TBC1D19: variants seen among roughly 807,000 people sequenced by gnomAD.
TBC1D19 encodes the protein TBC1 domain family, member 19.
TBC1D19 carries 60 observed loss-of-function variants against 89.0 expected under a neutral mutation model. The ratio of observed to expected loss-of-function variants is 0.67; its 90% CI spans 0.55 to 0.84. TBC1D19 has a LOEUF of 0.84. Among genes scored for constraint, TBC1D19 ranks in the 40% least tolerant of loss-of-function variants. TBC1D19 has a pLI of 0.00. For missense variants in TBC1D19, 500 were observed against 610.8 expected, an observed-to-expected ratio of 0.82 and a Z score of 1.91; for synonymous variants, 189 against 199.7, an observed-to-expected ratio of 0.95 and a Z score of 0.45.
chr4:26,821,128 T>C, the TBC1D19 span, among the ~76,000 whole-genome samples: 1 of 152,204 alleles, frequency 6.6e-6, no homozygotes, highest in African/African-American at 2.4e-5. Context: ...CAGTTAGCAG[T>C]TCCAGACTGT....
At chr4:26,669,758 C>G (rs1343307799) in intron 9 of TBC1D19, among the ~76,000 whole-genome samples, 2 of 151,566 alleles carry the variant, frequency 1.3e-5, no homozygotes, top group African/African-American at 2.4e-5. Context: ...TTCAACTATT[C>G]TTTATTCATT....
chr4:26,740,633 T>C (rs1175246758), intron 17 of TBC1D19: 1 of 984,950 alleles, frequency 1.0e-6, no homozygotes, highest in African/African-American at 1.7e-5. Flanking sequence ...ATCTTTTTTT[T>C]CCCTTCCCAT....
intron 11 of TBC1D19, among the ~76,000 whole-genome samples, chr4:26,682,650 T>C (rs555977093): frequency 2.6e-4 from 39 of 152,268 alleles, no homozygotes; most frequent in African/African-American, 9.1e-4. Context: ...AAGGAGGGAT[T>C]TGGAGCAATA....
At chr4:26,794,922 A>G in the TBC1D19 span, among the ~76,000 whole-genome samples, 1 of 152,204 alleles carries the variant, frequency 6.6e-6, no homozygotes, top group African/African-American at 2.4e-5. Flanking sequence ...ATCATCCACC[A>G]TCTCTTGTCA....
chr4:26,838,217 T>C, the TBC1D19 span, among the ~76,000 whole-genome samples: 8 of 152,078 alleles, frequency 5.3e-5, no homozygotes, highest in Non-Finnish European at 1.5e-5. Flanking sequence ...TGCATCTGAG[T>C]GTAGAATGGG....
intron 8 of TBC1D19, among the ~76,000 whole-genome samples, chr4:26,660,225 A>T (rs1429886881): frequency 6.6e-6 from 1 of 152,166 alleles, no homozygotes; most frequent in Non-Finnish European, 1.5e-5. Flanking sequence ...GGTGGAATTA[A>T]GAAATTATCA....
chr4:26,631,001 A>G (rs1467735274), intron 4 of TBC1D19, among the ~76,000 whole-genome samples: 3 of 151,936 alleles, frequency 2.0e-5, no homozygotes, highest in Admixed American at 6.6e-5. Flanking sequence ...CCTGTTTCTG[A>G]TAACTGTGGA....
chr4:26,657,307 C>T (rs1424344363), intron 7 of TBC1D19, among the ~76,000 whole-genome samples: 1 of 151,910 alleles, frequency 6.6e-6, no homozygotes, highest in Non-Finnish European at 1.5e-5. Context: ...CATTGTTCAA[C>T]TCTCACTTAT....
At chr4:26,600,855 A>G (rs1466548275) in intron 1 of TBC1D19, among the ~76,000 whole-genome samples, 1 of 152,224 alleles carries the variant, frequency 6.6e-6, no homozygotes, top group Non-Finnish European at 1.5e-5. Flanking sequence ...ATGTGTGTCC[A>G]CTGGGATGAC....
intron 7 of TBC1D19, among the ~76,000 whole-genome samples, chr4:26,655,601 C>T (rs1744742523): frequency 6.6e-6 from 1 of 152,214 alleles, no homozygotes; most frequent in South Asian, 2.1e-4. Context: ...CTTGCTGCCA[C>T]CTTGCAGTTT....
Position 26,655,426 on chromosome 4 carries a change from G to C in TBC1D19, c.481-4171G>C, listed in dbSNP as rs374573046. 3.2e-4 allele frequency among the ~76,000 whole-genome samples: 49 copies of C among 152,350 alleles called. 1 individual carries two copies. Among genetic ancestry groups the C allele is most frequent in the Middle Eastern group, 3.4e-3 (1 of 294 alleles). On this transcript the variant is annotated intron_variant, in intron 7 of 20. Transcript: ENST00000264866. ...TCAGACAGGGACATTTAAGTCTGCAGAGGTTTCTGCTGCCTTTTGTTTGGC... is the reference window on the plus strand; with the variant it reads ...TCAGACAGGGACATTTAAGTCTGCACAGGTTTCTGCTGCCTTTTGTTTGGC...
chr4:26,817,981 A>AATATATATATATATATATAT, the TBC1D19 span, among the ~76,000 whole-genome samples: 5 of 126,048 alleles, frequency 4.0e-5, no homozygotes, highest in African/African-American at 1.5e-4. Flanking sequence ...AAAAAAAAAA[A>AATATATATATATATATATAT]ATATATATAT....
chr4:26,779,859 T>C, the TBC1D19 span, among the ~76,000 whole-genome samples: 5 of 152,340 alleles, frequency 3.3e-5, no homozygotes, highest in Admixed American at 6.5e-5. Context: ...CAAGCAACTG[T>C]CATCAGCAGG....
At chr4:26,646,158 G>A (rs7683415) in intron 7 of TBC1D19, among the ~76,000 whole-genome samples, 150,092 of 150,424 alleles carry the variant, frequency 1, 74,882 homozygotes, top group Middle Eastern at 1. Flanking sequence ...GGCAAAGGAT[G>A]TGAACAGACA....
the TBC1D19 span, among the ~76,000 whole-genome samples, chr4:26,776,108 C>T: frequency 1.3e-5 from 2 of 152,114 alleles, no homozygotes; most frequent in Non-Finnish European, 2.9e-5. Flanking sequence ...TTAGTCAATT[C>T]TCAAAGAAGT....
At chr4:26,649,190 T>C (rs1346786885) in intron 7 of TBC1D19, among the ~76,000 whole-genome samples, 1 of 152,056 alleles carries the variant, frequency 6.6e-6, no homozygotes, top group African/African-American at 2.4e-5. Context: ...ATAGTGTCAA[T>C]ATAGTGTTTG....
intron 15 of TBC1D19, among the ~76,000 whole-genome samples, chr4:26,729,543 G>A (rs993489958): frequency 2.6e-5 from 4 of 152,212 alleles, no homozygotes; most frequent in African/African-American, 9.6e-5. Flanking sequence ...GGAAATGTTT[G>A]TCTGAGGTTA....
At chr4:26,608,713 A>G (rs1451585224) in intron 1 of TBC1D19, among the ~76,000 whole-genome samples, 1 of 152,104 alleles carries the variant, frequency 6.6e-6, no homozygotes, top group East Asian at 1.9e-4. Flanking sequence ...GATTTAGTAC[A>G]TTTGAATAAT....
chr4:26,757,374 G>T (rs986007916), downstream of TBC1D19, among the ~76,000 whole-genome samples: 10 of 152,012 alleles, frequency 6.6e-5, no homozygotes, highest in African/African-American at 9.7e-5. Context: ...TCTTCCTCTT[G>T]CATCCTCCTG....
Sources: allele counts gnomAD v4.1 joint callset (sites outside exome capture counted in the v4.1 genomes callset), GRCh38; gene constraint gnomAD v4.1.1; transcripts MANE v1.5; gene names NCBI Gene and HGNC (gene_info 2026-07-23, HGNC 2026-07-21).